USP6NL: variants seen among roughly 807,000 people sequenced by gnomAD.
USP6NL encodes USP6 N-terminal-like protein.
USP6NL carries 26 observed loss-of-function variants against 61.9 expected under a neutral mutation model. That is an observed-to-expected ratio of 0.42 (90% CI 0.31 to 0.58). USP6NL has a LOEUF of 0.58. Ranked by LOEUF, USP6NL falls within the 20% of genes least tolerant of loss-of-function variation. The probability of loss-of-function intolerance (pLI) is 0.16; values close to 1 mark genes in which losing one functional copy is unlikely to be tolerated. For missense variants in USP6NL, 1,114 were observed against 1,034.3 expected, an observed-to-expected ratio of 1.08 and a Z score of -1.06; for synonymous variants, 432 against 390.1, an observed-to-expected ratio of 1.11 and a Z score of -1.27.
At position 11,465,590 on chromosome 10, in the gene USP6NL, T is replaced by A. The variant is rs1832415369; in HGVS notation, c.1079-1741A>T. On this transcript the variant is annotated intron_variant, in intron 14 of 14. Coordinates refer to ENST00000609104, the MANE Select transcript of USP6NL (RefSeq NM_014688.5). This position sits in a 1 kb window ranked among gnomAD's most constrained non-coding sequence, Gnocchi z 4.5. ...ACCAAAAAAGGAATAGATTTCCAGCTGGTCTGCTGCTGCTGCTGCTGCTAC... is the reference window on the plus strand; with the variant it reads ...ACCAAAAAAGGAATAGATTTCCAGCAGGTCTGCTGCTGCTGCTGCTGCTAC... 6.6e-6 allele frequency among the ~76,000 whole-genome samples: 1 copy of A among 152,098 alleles called. No individual in the cohort carries two copies. The highest frequency in any genetic ancestry group is 2.4e-5 in the African/African-American group (1 of 41,326).
intron 6 of USP6NL, among the ~76,000 whole-genome samples, chr10:11,506,063 T>C (rs1281225260): frequency 6.6e-6 from 1 of 152,206 alleles, no homozygotes; most frequent in Non-Finnish European, 1.5e-5. Flanking sequence ...TAAAAGATGG[T>C]ACAGTTAAAT....
At chr10:11,542,325 T>C (rs934700693) in intron 2 of USP6NL, among the ~76,000 whole-genome samples, 2 of 152,146 alleles carry the variant, frequency 1.3e-5, no homozygotes, top group African/African-American at 4.8e-5. Flanking sequence ...AAATGCTCTT[T>C]AATAGATGTT....
chr10:11,502,419 C>A (rs186147748), intron 6 of USP6NL, among the ~76,000 whole-genome samples: 54 of 152,218 alleles, frequency 3.5e-4, no homozygotes, highest in African/African-American at 1.3e-3. Flanking sequence ...AAACCTATTA[C>A]GGTCATCACA....
chr10:11,465,815 C>T lies in USP6NL; in HGVS notation c.1079-1966G>A, dbSNP rs772293312. Among the ~76,000 whole-genome samples the T allele has an allele frequency of 6.6e-6, 1 of 152,188 alleles. No individual in the cohort carries two copies. The highest frequency in any genetic ancestry group is 1.5e-5 in the Non-Finnish European group (1 of 68,022). On this transcript the variant is annotated intron_variant, in intron 14 of 14. Coordinates refer to ENST00000609104, the MANE Select transcript of USP6NL (RefSeq NM_014688.5). This position sits in a 1 kb window ranked among gnomAD's most constrained non-coding sequence, Gnocchi z 4.5. ...GCAGCTACCCTTAGCTCTATATCCC[C>T]AATCTCAAAACTGGATTGTTTTAAA...
intron 13 of USP6NL, among the ~76,000 whole-genome samples, chr10:11,483,276 TAA>T (rs1411375894): frequency 6.6e-6 from 1 of 151,962 alleles, no homozygotes; most frequent in Non-Finnish European, 1.5e-5. Flanking sequence ...TTGCTATGCT[TAA>T]CATTTATTTA....
Position 11,487,626 on chromosome 10 carries a change from A to G in USP6NL, c.664+1476T>C, listed in dbSNP as rs188704807. Among the ~76,000 whole-genome samples the G allele has an allele frequency of 2.3e-3, 354 of 152,280 alleles. 1 individual carries two copies. Among genetic ancestry groups the G allele is most frequent in the African/African-American group, 7.9e-3 (327 of 41,548 alleles). ...ACAGGGAAGAGCGGCTTTCTTCAAG[A>G]TGCCTTTTGGAATGATACTGCCTAC... is the stretch of plus-strand genomic sequence containing the variant. On this transcript the variant is annotated intron_variant, in intron 10 of 14. Coordinates refer to ENST00000609104, the MANE Select transcript of USP6NL (RefSeq NM_014688.5). The surrounding 1 kb of genome is among the most constrained non-coding windows in gnomAD (Gnocchi z 4.2).
Position 11,471,457 on chromosome 10 carries a change from C to CG in USP6NL, c.1079-7609_1079-7608insC, listed in dbSNP as rs1591817552. On this transcript the variant is annotated intron_variant, in intron 14 of 14. Coordinates refer to ENST00000609104, the MANE Select transcript of USP6NL (RefSeq NM_014688.5). ...TCTAGAATTAGAAATACCATTTGACCCAGCCATCCCATTACTGGATATATA... is the reference window on the plus strand; with the variant it reads ...TCTAGAATTAGAAATACCATTTGACCGCAGCCATCCCATTACTGGATATATA... 2.6e-5 allele frequency among the ~76,000 whole-genome samples: 4 copies of CG among 152,052 alleles called. No homozygotes were observed. In the East Asian group the frequency reaches 7.7e-4, roughly 29 times the overall value.
chr10:11,514,448 ATAATC>A (rs1364956054), intron 5 of USP6NL, among the ~76,000 whole-genome samples: 3 of 152,142 alleles, frequency 2.0e-5, no homozygotes, highest in Admixed American at 2.0e-4. Flanking sequence ...CAATATCACT[ATAATC>A]TAAAGAATTA....
intron 2 of USP6NL, among the ~76,000 whole-genome samples, chr10:11,545,659 CAGG>C (rs1029733168): frequency 1.6e-4 from 24 of 151,508 alleles, no homozygotes; most frequent in South Asian, 4.2e-4. Flanking sequence ...CAAAAATTTA[CAGG>C]AGAACCTGCC....
chr10:11,470,832 G>A lies in USP6NL; in HGVS notation c.1079-6983C>T, dbSNP rs1038412273. Reference sequence around the variant, plus strand: ...TTTCAATAGACAGAATCATGTTTTTGCTCACTCCACTACAGTCTCATGCCT... The same window carrying A: ...TTTCAATAGACAGAATCATGTTTTTACTCACTCCACTACAGTCTCATGCCT... On this transcript the variant is annotated intron_variant, in intron 14 of 14. Transcript: ENST00000609104. This position sits in a 1 kb window ranked among gnomAD's most constrained non-coding sequence, Gnocchi z 5.4. Among the ~76,000 whole-genome samples the A allele has an allele frequency of 6.6e-6, 1 of 152,152 alleles. No homozygotes were observed. The highest frequency in any genetic ancestry group is 2.4e-5 in the African/African-American group (1 of 41,432).
chr10:11,505,126 G>T (rs567309242), intron 6 of USP6NL, among the ~76,000 whole-genome samples: 2 of 152,272 alleles, frequency 1.3e-5, no homozygotes, highest in Admixed American at 1.3e-4. Context: ...GAAGAAAGGA[G>T]GAACTAATCC....
chr10:11,535,656 A>G (rs1835804462), intron 2 of USP6NL, among the ~76,000 whole-genome samples: 1 of 152,178 alleles, frequency 6.6e-6, no homozygotes, highest in South Asian at 2.1e-4. Context: ...TTCTAGTATA[A>G]CGAATTCAGA....
intron 2 of USP6NL, among the ~76,000 whole-genome samples, chr10:11,568,885 G>C (rs150000743): frequency 3.9e-5 from 6 of 152,168 alleles, no homozygotes; most frequent in Non-Finnish European, 8.8e-5. Flanking sequence ...TCCTCAGCAG[G>C]CTTTTGCTTA....
chr10:11,463,575 T>C lies in USP6NL; in HGVS notation c.1353A>G (p.Arg451=). The C allele has an allele frequency of 6.2e-7, 1 of 1,614,034 alleles. No individual in the cohort carries two copies. The highest frequency in any genetic ancestry group is 8.5e-7 in the Non-Finnish European group (1 of 1,179,892). ...KKLKDEADFQ[R]KLPSGPQDSS... ...TGTCCTGTGGACCCGATGGGAGTTT[T>C]CTTTGAAAATCTGCCTCATCTTTAA... is the stretch of plus-strand genomic sequence containing the variant. Residue 451 remains arginine, a synonymous_variant, in exon 15 of 15, where the codon AGA becomes AGG. Transcript: ENST00000609104. The surrounding 1 kb of genome is among the most constrained non-coding windows in gnomAD (Gnocchi z 6.3).
Position 11,510,010 on chromosome 10 carries a change from C to T in USP6NL, c.196-335G>A, listed in dbSNP as rs904825127. Among the ~76,000 whole-genome samples the T allele has an allele frequency of 7.0e-6, 1 of 142,504 alleles. No homozygotes were observed. Among genetic ancestry groups the T allele is most frequent in the Admixed American group, 7.0e-5 (1 of 14,214 alleles). The allele number at this position is 142,504 out of a possible 152,430, so 93.5% of individuals were successfully genotyped here. ...ATTTTACAAAGCAACAAAAACACTA[C>T]TTTGAAATTTAATTCTCTTCTTTCT... On this transcript the variant is annotated intron_variant, in intron 5 of 14. Coordinates refer to ENST00000609104, the MANE Select transcript of USP6NL (RefSeq NM_014688.5). The surrounding 1 kb of genome is among the most constrained non-coding windows in gnomAD (Gnocchi z 4.8).
intron 6 of USP6NL, among the ~76,000 whole-genome samples, chr10:11,506,602 T>C (rs1252770240): frequency 2.6e-5 from 4 of 151,822 alleles, no homozygotes; most frequent in South Asian, 4.2e-4. Context: ...AGAACTATAA[T>C]TGCGCAACTG....
At chr10:11,507,441 A>G (rs2133334114) in intron 6 of USP6NL, among the ~76,000 whole-genome samples, 1 of 152,322 alleles carries the variant, frequency 6.6e-6, no homozygotes, top group African/African-American at 2.4e-5. Flanking sequence ...CCTAATGCTA[A>G]AACAGACAGT....
intron 2 of USP6NL, among the ~76,000 whole-genome samples, chr10:11,545,516 C>T (rs1836241655): frequency 2.0e-5 from 3 of 152,186 alleles, no homozygotes; most frequent in African/African-American, 7.2e-5. Flanking sequence ...CCTTTACCAC[C>T]GCAGTCATCT....
rs759763679 is a variant in USP6NL, at chr10:11,527,489, T to C, written c.72+11A>G. 138 of 1,595,356 alleles carry C rather than the reference T, an allele frequency of 8.7e-5. No individual in the cohort carries two copies. Among genetic ancestry groups the C allele is most frequent in the Non-Finnish European group, 1.1e-4 (133 of 1,169,900 alleles). ...TAAAACTCACCCAAAGTGTTAAATA[T>C]GGATACTTACTCTGTCATATTTAGC... On this transcript the variant is annotated intron_variant, in intron 3 of 14. Coordinates refer to ENST00000609104, the MANE Select transcript of USP6NL (RefSeq NM_014688.5).
Sources: gnomAD v4.1 joint callset for allele counts (sites outside exome capture counted in the v4.1 genomes callset) on GRCh38, gnomAD v4.1.1 for gene constraint, Gnocchi (gnomAD v3.1) non-coding constraint, MANE v1.5 for transcripts, NCBI Gene and HGNC (gene_info 2026-07-23, HGNC 2026-07-21) for gene names.